The following HACD4 variants were observed in gnomAD, a reference collection of about 807,000 sequenced individuals.
HACD4 encodes 3-hydroxyacyl-CoA dehydratase 4.
Under a neutral mutation model 33.3 loss-of-function variants are expected in HACD4, and 35 were observed. The observed-to-expected ratio is 1.05, with a 90% CI of 0.80 to 1.39. HACD4 has a LOEUF of 1.39. Ranked by LOEUF, HACD4 falls within the 40% of genes most tolerant of loss-of-function variation. The pLI is 0.00. For synonymous variants in HACD4, 118 were observed against 98.0 expected, an observed-to-expected ratio of 1.20 and a Z score of -1.21; for missense variants, 323 against 276.5, an observed-to-expected ratio of 1.17 and a Z score of -1.19.
chr9:21,026,712 C>G lies in HACD4; in HGVS notation c.154G>C (p.Asp52His). 6.2e-7 allele frequency: 1 copy of G among 1,613,484 alleles called. No individual in the cohort carries two copies. Among genetic ancestry groups the G allele is most frequent in the South Asian group, 1.1e-5 (1 of 90,964 alleles). Residue 52 changes from aspartate (D) to histidine (H), a missense_variant, in exon 3 of 7, where the codon GAC (aspartate) becomes CAC (histidine). Physicochemically the swap from Asp to His is moderately conservative, Grantham distance 81 (BLOSUM62 -1). Transcript: ENST00000495827. The part of the protein sequence containing the change: ...FFSFGKDSMV[D>H]TFYAIGLVMR... ...ACAAGTCCAATAGCATAAAAAGTGTCAACCATTGAATCTGTATCCCGTGGG... is the reference window on the plus strand; with the variant it reads ...ACAAGTCCAATAGCATAAAAAGTGTGAACCATTGAATCTGTATCCCGTGGG...
At chr9:21,021,205 G>A (rs889662148) in intron 3 of HACD4, among the ~76,000 whole-genome samples, 19 of 152,208 alleles carry the variant, frequency 1.2e-4, no homozygotes, top group African/African-American at 4.3e-4. Flanking sequence ...ATCTCCATAA[G>A]CTAGGTATTG....
chr9:21,020,670 T>G (rs1817886111), intron 3 of HACD4, among the ~76,000 whole-genome samples: 1 of 152,200 alleles, frequency 6.6e-6, no homozygotes, highest in Non-Finnish European at 1.5e-5. Context: ...ATATTATCAT[T>G]TCTTTTATGC....
intron 6 of HACD4, among the ~76,000 whole-genome samples, chr9:21,007,813 G>T (rs1157655384): frequency 6.6e-6 from 1 of 152,052 alleles, no homozygotes; most frequent in Admixed American, 6.6e-5. Context: ...GTTCTTATTT[G>T]TACAGTGAAA....
At chr9:21,026,453 T>G (rs1196432457) in intron 3 of HACD4, 143 bp downstream of exon 3, 4 of 676,698 alleles carry the variant, frequency 5.9e-6, no homozygotes, top group Non-Finnish European at 1.0e-5. Flanking sequence ...ACAATAAGGT[T>G]GTCCTTCCAT....
At chr9:21,029,133 C>T (rs189807578) in intron 2 of HACD4, among the ~76,000 whole-genome samples, 162 bp downstream of exon 2, 71 of 152,280 alleles carry the variant, frequency 4.7e-4, no homozygotes, top group African/African-American at 1.7e-3. Flanking sequence ...TCCCACCTTC[C>T]CCCTTCCCCA....
At chr9:21,012,924 G>T (rs1055608370) in intron 4 of HACD4, among the ~76,000 whole-genome samples, 54 of 152,008 alleles carry the variant, frequency 3.6e-4, no homozygotes, top group Admixed American at 3.5e-3. Flanking sequence ...AAAATTAGCC[G>T]GGCGTGGTGG....
At chr9:21,009,832 A>G (rs981988322) in intron 5 of HACD4, among the ~76,000 whole-genome samples, 1 of 152,174 alleles carries the variant, frequency 6.6e-6, no homozygotes, top group Non-Finnish European at 1.5e-5. Context: ...CTACAGTACT[A>G]TGATTTAACA....
chr9:21,026,407 A>C (rs145406742), intron 3 of HACD4, among the ~76,000 whole-genome samples, 189 bp downstream of exon 3: 96 of 152,362 alleles, frequency 6.3e-4, no homozygotes, highest in African/African-American at 2.1e-3. Flanking sequence ...CACTGCCCTC[A>C]GTGTTTCCAA....
intron 3 of HACD4, among the ~76,000 whole-genome samples, chr9:21,021,569 T>G (rs1187950074): frequency 6.6e-6 from 1 of 152,116 alleles, no homozygotes; most frequent in East Asian, 1.9e-4. Flanking sequence ...CTCACAAGCA[T>G]TCCTATATAC....
chr9:21,026,832 T>C (rs1818074825), intron 2 of HACD4, 109 bp from the exon 3 acceptor site: 4 of 875,488 alleles, frequency 4.6e-6, no homozygotes, highest in South Asian at 1.7e-5. Context: ...TCCTTTTTCA[T>C]TGTACATGTG....
intron 1 of HACD4, chr9:21,031,297 G>T: frequency 4.0e-6 from 1 of 249,520 alleles, no homozygotes; most frequent in Non-Finnish European, 6.4e-6. Flanking sequence ...GCTCACAAGG[G>T]CAGGGGTAGC....
At chr9:21,018,899 T>C (rs541239503) in intron 3 of HACD4, among the ~76,000 whole-genome samples, 2 of 152,232 alleles carry the variant, frequency 1.3e-5, no homozygotes, top group South Asian at 4.1e-4. Flanking sequence ...CAGGTAGCAC[T>C]TGATTTATAA....
chr9:21,027,776 C>T (rs895147680), intron 2 of HACD4, among the ~76,000 whole-genome samples: 2 of 152,172 alleles, frequency 1.3e-5, no homozygotes, highest in Admixed American at 6.5e-5. Flanking sequence ...GTCTCCTGAA[C>T]GAATCGGTTG....
Position 21,004,733 on chromosome 9 carries a change from A to G in HACD4, c.*2304T>C, listed in dbSNP as rs1196665894. 1 of 152,316 alleles carries G rather than the reference A, an allele frequency of 6.6e-6. No homozygotes were observed. Among genetic ancestry groups the G allele is most frequent in the Non-Finnish European group, 1.5e-5 (1 of 68,100 alleles). 9.4% of individuals were successfully genotyped at this position (152,316 alleles called of 1,614,324 possible). On this transcript the variant is annotated 3_prime_UTR_variant, in exon 7 of 7. Coordinates refer to ENST00000495827, the MANE Select transcript of HACD4 (RefSeq NM_001010915.5). This position sits in a 1 kb window ranked among gnomAD's most constrained non-coding sequence, Gnocchi z 4.6. Reference sequence around the variant, plus strand: ...TTTGTTATAGCAGCCAAGCTAAGACAGCAATTAGTACCAAGAAGTGTGGTG... The same window carrying G: ...TTTGTTATAGCAGCCAAGCTAAGACGGCAATTAGTACCAAGAAGTGTGGTG...
Position 21,026,644 on chromosome 9 carries a change from G to T in HACD4, c.222C>A (p.His74Gln). 1.9e-6 allele frequency: 3 copies of T among 1,613,496 alleles called. No individual in the cohort carries two copies. The highest frequency in any genetic ancestry group is 2.5e-6 in the Non-Finnish European group (3 of 1,179,402). The change falls in exon 3 of 7, where the codon CAC becomes CAA. Residue 74 changes from histidine (H) to glutamine (Q), a missense_variant. Coordinates refer to ENST00000495827, the MANE Select transcript of HACD4 (RefSeq NM_001010915.5). ...GGTTTGACTCAATGCCAACATATAT[G>T]TGCAGCAGTTCCAGGAGAGATACGG... ...CQSVSLLELL[H>Q]IYVGIESNHL...
Position 20,999,999 on chromosome 9 carries a change from C to CA in HACD4, c.*7037dup. 6.6e-6 allele frequency: 1 copy of CA among 152,244 alleles called. No individual in the cohort carries two copies. Among genetic ancestry groups the CA allele is most frequent in the East Asian group, 1.9e-4 (1 of 5,188 alleles). The allele number at this position is 152,244 out of a possible 1,614,324, so 9.4% of individuals were successfully genotyped here. ...TTAAGTGGTTAAGGAAACTGGAACT[C>CA]AAAGAGTCATTCAGTTAGTAAATAA... On this transcript the variant is annotated 3_prime_UTR_variant, in exon 7 of 7. Coordinates refer to ENST00000495827, the MANE Select transcript of HACD4 (RefSeq NM_001010915.5).
At chr9:21,015,578 A>T (rs757701626) in intron 4 of HACD4, 10 of 187,556 alleles carry the variant, frequency 5.3e-5, no homozygotes, top group African/African-American at 1.6e-4. Flanking sequence ...TGCTTATTAA[A>T]GCAACCGTAC....
At position 21,002,268 on chromosome 9, in the gene HACD4, A is replaced by T. The variant is rs1229292563; in HGVS notation, c.*4769T>A. 6.6e-6 allele frequency: 1 copy of T among 152,150 alleles called. No individual in the cohort carries two copies. The highest frequency in any genetic ancestry group is 2.4e-5 in the African/African-American group (1 of 41,436). The allele number at this position is 152,150 out of a possible 1,614,324, so 9.4% of individuals were successfully genotyped here. A position where few individuals can be genotyped will look rare whatever the true frequency, so the allele number is the denominator to read the frequency against. ...GATACTTAAATGCTTCACTATAAAA[A>T]AGTAAACTACACACAAAAGACGTAA... is the stretch of plus-strand genomic sequence containing the variant. On this transcript the variant is annotated 3_prime_UTR_variant, in exon 7 of 7. Coordinates refer to ENST00000495827, the MANE Select transcript of HACD4 (RefSeq NM_001010915.5).
intron 3 of HACD4, among the ~76,000 whole-genome samples, chr9:21,017,105 AAG>A (rs1842574587): frequency 6.6e-6 from 1 of 152,166 alleles, no homozygotes; most frequent in Non-Finnish European, 1.5e-5. Flanking sequence ...ATTCACAGTA[AAG>A]AGGGGAATGA....
Sources: allele counts gnomAD v4.1 joint callset (sites outside exome capture counted in the v4.1 genomes callset), GRCh38; gene constraint gnomAD v4.1.1; non-coding constraint Gnocchi (gnomAD v3.1); transcripts MANE v1.5; gene names NCBI Gene and HGNC (gene_info 2026-07-23, HGNC 2026-07-21).